Variants in ARHGEF28 observed in about 807,000 individuals in gnomAD.
ARHGEF28 encodes 190 kDa guanine nucleotide exchange factor.
Under a neutral mutation model 206.6 loss-of-function variants are expected in ARHGEF28, and 152 were observed. The ratio of observed to expected loss-of-function variants is 0.74; its 90% CI spans 0.64 to 0.84. The LOEUF is 0.84. ARHGEF28 is among the 40% of genes least tolerant of loss of function. The pLI, the probability that ARHGEF28 is intolerant of heterozygous loss-of-function variation, is 0.00. For missense variants in ARHGEF28, 2,028 were observed against 2,073.2 expected (o/e 0.98, Z 0.42); for synonymous variants, 763 against 776.4 (o/e 0.98, Z 0.29).
chr5:73,707,235 A>G (rs1338509274), intron 2 of ARHGEF28, among the ~76,000 whole-genome samples: 2 of 152,228 alleles, frequency 1.3e-5, no homozygotes, highest in Non-Finnish European at 2.9e-5. Context: ...GGCTGGTCTC[A>G]TAGCTGCCTG....
At chr5:73,882,324 TGAG>T in intron 22 of ARHGEF28, 145 bp from the exon 23 acceptor site, 1 of 568,768 alleles carries the variant, frequency 1.8e-6, no homozygotes, top group Non-Finnish European at 2.8e-6. Context: ...AAAAAATGTC[TGAG>T]GAGATAAGTG....
intron 9 of ARHGEF28, among the ~76,000 whole-genome samples, chr5:73,828,767 C>G (rs1757095046): frequency 6.8e-6 from 1 of 147,440 alleles, no homozygotes; most frequent in Non-Finnish European, 1.5e-5. Flanking sequence ...TCTTTCTGTC[C>G]TTCCTTCCTT....
chr5:73,853,169 T>A (rs1758809413), intron 14 of ARHGEF28, among the ~76,000 whole-genome samples: 1 of 152,242 alleles, frequency 6.6e-6, no homozygotes, highest in Non-Finnish European at 1.5e-5. Context: ...GCATGATCAG[T>A]TTCCTGGTTG....
Position 73,909,840 on chromosome 5 carries a change from C to G in ARHGEF28, c.4590C>G (p.His1530Gln), listed in dbSNP as rs773024851. 21 of 1,540,994 alleles carry G rather than the reference C, an allele frequency of 1.4e-5. No homozygotes were observed. The highest frequency in any genetic ancestry group is 1.6e-5 in the Non-Finnish European group (19 of 1,155,984). ...RMRAQQSLLG[H>Q]WKHGRQRSLP... is the part of the protein sequence containing the mutation. ...GGGCCCAGCAGAGCCTGCTGGGCCA[C>G]TGGAAGCACGGCCGGCAGAGGAGCC... Residue 1530 changes from histidine (H) to glutamine (Q), a missense_variant, in exon 34 of 36, where the codon CAC (histidine) becomes CAG (glutamine). His to Gln is a conservative substitution (Grantham distance 24, BLOSUM62 0). Transcript: ENST00000513042.
chr5:73,923,930 A>G (rs907471117), intron 35 of ARHGEF28, among the ~76,000 whole-genome samples: 3 of 152,224 alleles, frequency 2.0e-5, no homozygotes, highest in Non-Finnish European at 4.4e-5. Flanking sequence ...AATAGACTCT[A>G]AAATGCTTTA....
chr5:73,671,777 A>G (rs1240766584), intron 1 of ARHGEF28, among the ~76,000 whole-genome samples: 10 of 62,060 alleles, frequency 1.6e-4, no homozygotes, highest in African/African-American at 4.8e-4. Context: ...TTTTTTTGAG[A>G]CGGAATCTCG....
At chr5:73,853,488 C>T (rs16870977) in intron 14 of ARHGEF28, among the ~76,000 whole-genome samples, 31,752 of 151,994 alleles carry the variant, frequency 0.21, 3,846 homozygotes, top group African/African-American at 0.33. Flanking sequence ...TGGGGTGTTT[C>T]GTTTTAAATC....
chr5:73,781,484 C>A (rs994655695), intron 7 of ARHGEF28, among the ~76,000 whole-genome samples: 2 of 152,194 alleles, frequency 1.3e-5, no homozygotes, highest in African/African-American at 4.8e-5. Context: ...CTCAACTTGA[C>A]AGTTTATCTA....
intron 2 of ARHGEF28, among the ~76,000 whole-genome samples, chr5:73,733,627 G>A (rs544005130): frequency 2.0e-5 from 3 of 151,986 alleles, no homozygotes; most frequent in Admixed American, 6.6e-5. Flanking sequence ...CCTGTACCCC[G>A]AAAACTATTG....
intron 9 of ARHGEF28, chr5:73,813,709 A>G (rs1349630264): frequency 2.0e-6 from 3 of 1,518,944 alleles, no homozygotes; most frequent in Non-Finnish European, 2.7e-6. Context: ...TTCACGGGCA[A>G]AACCAGACAT....
At chr5:73,658,242 T>C (rs1218877038) in intron 1 of ARHGEF28, among the ~76,000 whole-genome samples, 1 of 152,178 alleles carries the variant, frequency 6.6e-6, no homozygotes, top group Non-Finnish European at 1.5e-5. Flanking sequence ...ACCCCATTTC[T>C]TCTCTTTACT....
chr5:73,763,144 T>A (rs938466213), intron 4 of ARHGEF28, among the ~76,000 whole-genome samples: 2 of 152,200 alleles, frequency 1.3e-5, no homozygotes, highest in Non-Finnish European at 2.9e-5. Flanking sequence ...GTATTCCTGG[T>A]TGACTTTTTT....
intron 9 of ARHGEF28, among the ~76,000 whole-genome samples, chr5:73,813,889 T>C (rs1273795181): frequency 6.6e-6 from 1 of 150,884 alleles, no homozygotes; most frequent in Non-Finnish European, 1.5e-5. Flanking sequence ...CTTGGTGTTA[T>C]TATGTATGTG....
rs151215201 is a variant in ARHGEF28 at position 73,752,614 on chromosome 5, G to A, written c.182-295G>A. On this transcript the variant is annotated intron_variant, in intron 3 of 35. Coordinates refer to ENST00000513042, the MANE Select transcript of ARHGEF28 (RefSeq NM_001177693.2). Reference sequence around the variant, plus strand: ...TCAGGGGTCAGGGTAGGAGTAAAAGGTTAAAGGAATGCTGAATAGCAGTGT... The same window carrying A: ...TCAGGGGTCAGGGTAGGAGTAAAAGATTAAAGGAATGCTGAATAGCAGTGT... 2.3e-3 allele frequency among the ~76,000 whole-genome samples: 354 copies of A among 152,312 alleles called. 1 individual carries two copies. The highest frequency in any genetic ancestry group is 7.6e-3 in the African/African-American group (317 of 41,570).
chr5:73,650,109 G>A (rs1420858699), intron 1 of ARHGEF28, among the ~76,000 whole-genome samples: 2 of 152,018 alleles, frequency 1.3e-5, no homozygotes, highest in African/African-American at 4.8e-5. Context: ...TGGGAAACAC[G>A]GCTAAACATG....
chr5:73,655,760 C>T (rs143912856), intron 1 of ARHGEF28, among the ~76,000 whole-genome samples: 113 of 152,236 alleles, frequency 7.4e-4, no homozygotes, highest in African/African-American at 2.6e-3. Flanking sequence ...TTAGTCTAGC[C>T]CTCTTCCTTG....
intron 22 of ARHGEF28, among the ~76,000 whole-genome samples, chr5:73,874,157 C>G (rs2112646151): frequency 6.6e-6 from 1 of 152,120 alleles, no homozygotes. Flanking sequence ...GCTTATTTGC[C>G]ATCTATATAT....
intron 2 of ARHGEF28, among the ~76,000 whole-genome samples, chr5:73,734,169 A>G (rs1025406956): frequency 6.6e-6 from 1 of 152,166 alleles, no homozygotes; most frequent in African/African-American, 2.4e-5. Flanking sequence ...AAGAGGGTAA[A>G]AAAAAGGATG....
At chr5:73,932,957 C>T (rs1385749141) in intron 35 of ARHGEF28, among the ~76,000 whole-genome samples, 18 of 151,394 alleles carry the variant, frequency 1.2e-4, no homozygotes, top group Admixed American at 3.3e-4. Context: ...TACAGGCGCG[C>T]GCCACCATGC....
Sources: gnomAD v4.1 joint callset for allele counts (sites outside exome capture counted in the v4.1 genomes callset) on GRCh38, gnomAD v4.1.1 for gene constraint, MANE v1.5 for transcripts, NCBI Gene and HGNC (gene_info 2026-07-23, HGNC 2026-07-21) for gene names.